The following NDUFAF2 variants were observed in gnomAD, a reference collection of about 807,000 sequenced individuals.
The protein encoded by NDUFAF2 is NADH:ubiquinone oxidoreductase complex assembly factor 2, also known as NADH dehydrogenase [ubiquinone] 1 alpha subcomplex assembly factor 2.
A neutral mutation model predicts 22.8 loss-of-function variants in NDUFAF2; 13 were observed. The ratio of observed to expected loss-of-function variants is 0.57; its 90% confidence interval spans 0.37 to 0.91. The LOEUF is 0.91. NDUFAF2 is among the 40% of genes least tolerant of loss of function. The probability of loss-of-function intolerance (pLI) is 0.01; values close to 1 mark genes in which losing one functional copy is unlikely to be tolerated. For synonymous variants in NDUFAF2, 53 were observed against 64.2 expected (o/e 0.83, Z 0.84); for missense variants, 162 against 195.2 (o/e 0.83, Z 1.01).
At chr5:61,110,525 G>A (rs1263751738) in intron 3 of NDUFAF2, among the ~76,000 whole-genome samples, 2 of 151,854 alleles carry the variant, frequency 1.3e-5, no homozygotes, top group African/African-American at 4.8e-5. Context: ...TTCAGGTTTT[G>A]GATTTCTTTA....
chr5:61,136,710 G>A (rs534507852), intron 3 of NDUFAF2, among the ~76,000 whole-genome samples: 4 of 152,284 alleles, frequency 2.6e-5, no homozygotes, highest in African/African-American at 9.6e-5. Context: ...GTCACTAAAA[G>A]GTGCCTTAAT....
At chr5:61,016,677 G>T (rs1751515435) in intron 1 of NDUFAF2, among the ~76,000 whole-genome samples, 1 of 152,156 alleles carries the variant, frequency 6.6e-6, no homozygotes, top group Admixed American at 6.5e-5. Context: ...CTGTGAAACA[G>T]TTCTCTCCCC....
chr5:61,136,039 A>ATATATATATATATATATATATC (rs1367597510), intron 3 of NDUFAF2, among the ~76,000 whole-genome samples: 1 of 103,388 alleles, frequency 9.7e-6, no homozygotes, highest in African/African-American at 3.7e-5. Flanking sequence ...ATATATATAT[A>ATATATATATATATATATATATC]TATCTAGGGT....
In NDUFAF2 at chr5:61,072,449, T is replaced by G. The variant is rs78125061; in HGVS notation, c.128-676T>G. Among the ~76,000 whole-genome samples the G allele has an allele frequency of 7.9e-3, 1,197 of 152,326 alleles. 15 individuals carry two copies. Among genetic ancestry groups the G allele is most frequent in the African/African-American group, 0.027 (1,121 of 41,576 alleles). ...TTTCTTGGGTGATTGCAGCAGCCATTGCTTCCTCTAAGATATATACATGTA... is the reference window on the plus strand; with the variant it reads ...TTTCTTGGGTGATTGCAGCAGCCATGGCTTCCTCTAAGATATATACATGTA... On this transcript the variant is annotated intron_variant, in intron 1 of 3. Transcript: ENST00000296597.
At chr5:60,993,983 C>T (rs1312698710) in intron 1 of NDUFAF2, among the ~76,000 whole-genome samples, 1 of 152,248 alleles carries the variant, frequency 6.6e-6, no homozygotes, top group Non-Finnish European at 1.5e-5. Flanking sequence ...TGGGGACCTG[C>T]TCCCTTCTGC....
chr5:61,148,158 C>T (rs1465381923), intron 3 of NDUFAF2, among the ~76,000 whole-genome samples: 1 of 152,210 alleles, frequency 6.6e-6, no homozygotes, highest in Non-Finnish European at 1.5e-5. Flanking sequence ...ACAACCATCT[C>T]TATCTCTCCA....
chr5:61,014,094 T>C (rs759976623), intron 1 of NDUFAF2, among the ~76,000 whole-genome samples: 8 of 152,202 alleles, frequency 5.3e-5, no homozygotes, highest in Non-Finnish European at 1.0e-4. Context: ...AGTTTAAGAA[T>C]GGGGCTGGTC....
chr5:61,135,345 A>G (rs1037333060), intron 3 of NDUFAF2, among the ~76,000 whole-genome samples: 5 of 152,286 alleles, frequency 3.3e-5, no homozygotes, highest in African/African-American at 1.2e-4. Flanking sequence ...TTTTTACACC[A>G]GAGAGCAAAG....
At chr5:61,016,116 G>T (rs1341289486) in intron 1 of NDUFAF2, among the ~76,000 whole-genome samples, 2 of 152,072 alleles carry the variant, frequency 1.3e-5, no homozygotes, top group Non-Finnish European at 2.9e-5. Flanking sequence ...AACCCAGGAG[G>T]CAGAGGTTGC....
intron 1 of NDUFAF2, among the ~76,000 whole-genome samples, chr5:60,977,019 C>G (rs938388449): frequency 9.9e-5 from 15 of 152,160 alleles, no homozygotes; most frequent in African/African-American, 3.6e-4. Context: ...TTAGAAATGC[C>G]ATTTTCACAA....
chr5:60,962,628 C>T (rs867529118), intron 1 of NDUFAF2, among the ~76,000 whole-genome samples: 18 of 151,998 alleles, frequency 1.2e-4, no homozygotes, highest in African/African-American at 4.1e-4. Flanking sequence ...GTCAGGAGAT[C>T]GAGACCATCC....
intron 1 of NDUFAF2, among the ~76,000 whole-genome samples, chr5:60,956,035 G>T (rs1750610921): frequency 6.6e-6 from 1 of 151,606 alleles, no homozygotes; most frequent in African/African-American, 2.4e-5. Context: ...CTAAGTACTG[G>T]GACTACAGAT....
At chr5:60,998,299 T>G (rs1209167353) in intron 1 of NDUFAF2, among the ~76,000 whole-genome samples, 4 of 152,158 alleles carry the variant, frequency 2.6e-5, no homozygotes, top group African/African-American at 9.6e-5. Context: ...CTTTCTAGAA[T>G]GTATTATTAT....
chr5:60,975,563 A>G (rs1347663788), intron 1 of NDUFAF2, among the ~76,000 whole-genome samples: 1 of 152,214 alleles, frequency 6.6e-6, no homozygotes. Context: ...GATGGTATTT[A>G]AAAGCATGGA....
chr5:61,077,479 A>G (rs917866293), intron 2 of NDUFAF2, among the ~76,000 whole-genome samples: 2 of 152,244 alleles, frequency 1.3e-5, no homozygotes, highest in African/African-American at 2.4e-5. Context: ...GAGCAAATGC[A>G]TGATAGAAAA....
At chr5:60,998,411 A>G (rs1394456589) in intron 1 of NDUFAF2, among the ~76,000 whole-genome samples, 1 of 152,130 alleles carries the variant, frequency 6.6e-6, no homozygotes, top group Non-Finnish European at 1.5e-5. Context: ...GCTATTTTGG[A>G]ACTATAGTAG....
chr5:60,982,394 T>A (rs926340646), intron 1 of NDUFAF2, among the ~76,000 whole-genome samples: 4 of 152,140 alleles, frequency 2.6e-5, no homozygotes, highest in Admixed American at 1.3e-4. Context: ...TTTTATTTTT[T>A]AATTTTTTAA....
intron 3 of NDUFAF2, among the ~76,000 whole-genome samples, chr5:61,143,958 TTTTGTGTG>T (rs56812180): frequency 0.31 from 38,407 of 125,382 alleles, 5,682 homozygotes; most frequent in East Asian, 0.42. Flanking sequence ...AATGGCATAT[TTTTGTGTG>T]TGTGTGTGTG....
chr5:61,124,384 A>G (rs11951076), intron 3 of NDUFAF2, among the ~76,000 whole-genome samples: 77,896 of 151,690 alleles, frequency 0.51, 21,472 homozygotes, highest in East Asian at 0.91. Flanking sequence ...TATTGTTTCT[A>G]GTTTCTAAAG....
Sources: gnomAD v4.1 joint callset for allele counts (sites outside exome capture counted in the v4.1 genomes callset) on GRCh38, gnomAD v4.1.1 for gene constraint, MANE v1.5 for transcripts, NCBI Gene and HGNC (gene_info 2026-07-23, HGNC 2026-07-21) for gene names.